KIF21A: variants seen among roughly 807,000 people sequenced by gnomAD.
KIF21A encodes kinesin family member 21A, also known as kinesin-like protein KIF21A.
KIF21A carries 114 observed loss-of-function variants against 202.9 expected under a neutral mutation model. That is an observed-to-expected ratio of 0.56 (90% CI 0.48 to 0.66). KIF21A has a LOEUF of 0.66. KIF21A is among the 30% of genes least tolerant of loss of function. The pLI is 0.00. For missense variants in KIF21A, 1,677 were observed against 1,994.9 expected (o/e 0.84, Z 3.04); for synonymous variants, 667 against 670.8 (o/e 0.99, Z 0.09).
Position 39,332,359 on chromosome 12 carries a change from T to G in KIF21A, c.2906A>C (p.Glu969Ala), listed in dbSNP as rs1397034944. Residue 969 changes from glutamate (E) to alanine (A), a missense_variant, in exon 21 of 38, where the codon GAG becomes GCG. Around this residue, in one of 3 missense-constraint regions of KIF21A, gnomAD observed 966 missense variants for 1,180.9 expected, o/e 0.82. Transcript: ENST00000361418. The stretch of plus-strand genomic sequence containing the variant: ...CTCTCCATTCTCCTTGACTATCTTC[T>G]CCCTTCTTTTTGAAAGTTTCTCTCG... ...KRREKLSKRR[E>A]KIVKENGEGD... The G allele has an allele frequency of 6.2e-7, 1 of 1,613,934 alleles. No homozygotes were observed. Among genetic ancestry groups the G allele is most frequent in the East Asian group, 2.2e-5 (1 of 44,864 alleles).
chr12:39,305,045 T>A, intron 34 of KIF21A, 107 bp from the exon 35 acceptor site: 1 of 607,248 alleles, frequency 1.6e-6, no homozygotes, highest in Non-Finnish European at 3.0e-6. Flanking sequence ...ATTCACTAAC[T>A]TTTTTTTTTC....
Position 39,370,032 on chromosome 12 carries a change from C to T in KIF21A, c.267+7G>A, listed in dbSNP as rs759729515. ...TTCAACTCCTATGAAAATAATATGG[C>T]ACTTACTTGTCCATAAGCAAAAACT... On this transcript the variant is annotated splice_region_variant and intron_variant, in intron 2 of 37. Coordinates refer to ENST00000361418, the MANE Select transcript of KIF21A (RefSeq NM_001173464.2). 1.9e-6 allele frequency: 3 copies of T among 1,607,178 alleles called. No individual in the cohort carries two copies. Among genetic ancestry groups the T allele is most frequent in the South Asian group, 1.1e-5 (1 of 90,972 alleles).
chr12:39,403,411 A>G (rs1464185846), intron 1 of KIF21A, among the ~76,000 whole-genome samples: 1 of 152,244 alleles, frequency 6.6e-6, no homozygotes. Flanking sequence ...TGTGAGTGTG[A>G]TACATATACA....
At chr12:39,426,570 C>T (rs1954767171) in intron 1 of KIF21A, among the ~76,000 whole-genome samples, 1 of 152,028 alleles carries the variant, frequency 6.6e-6, no homozygotes, top group South Asian at 2.1e-4. Flanking sequence ...GAAGCATTTA[C>T]ATTACTATTT....
intron 1 of KIF21A, among the ~76,000 whole-genome samples, chr12:39,414,210 AATGGTC>A (rs1206090015): frequency 6.6e-6 from 1 of 152,196 alleles, no homozygotes; most frequent in Non-Finnish European, 1.5e-5. Context: ...TGTTATCAGG[AATGGTC>A]ATATAAAGAT....
chr12:39,383,071 AG>A (rs1210016377), intron 1 of KIF21A, among the ~76,000 whole-genome samples: 10 of 152,238 alleles, frequency 6.6e-5, no homozygotes, highest in Non-Finnish European at 1.3e-4. Context: ...GGGCAAGAGC[AG>A]GCATCTAGGA....
intron 1 of KIF21A, among the ~76,000 whole-genome samples, chr12:39,421,487 G>A (rs2140226952): frequency 6.6e-6 from 1 of 152,172 alleles, no homozygotes; most frequent in South Asian, 2.1e-4. Context: ...GAGGGCAGGA[G>A]TTCAAGACCA....
intron 16 of KIF21A, chr12:39,337,670 C>T (rs1415365446): frequency 5.8e-6 from 1 of 171,280 alleles, no homozygotes; most frequent in Admixed American, 5.7e-5. Context: ...ATTTTAGCTA[C>T]TGTTGTTATC....
intron 1 of KIF21A, among the ~76,000 whole-genome samples, chr12:39,402,469 G>A (rs1592566705): frequency 6.6e-6 from 1 of 152,276 alleles, no homozygotes. Context: ...AGGCCGAGGA[G>A]GGAGGATTGC....
chr12:39,327,104 T>C (rs115779685), intron 24 of KIF21A, among the ~76,000 whole-genome samples: 2,090 of 152,228 alleles, frequency 0.014, 64 homozygotes, highest in African/African-American at 0.047. Context: ...TTAATGTATA[T>C]TTTATTATAA....
At chr12:39,403,983 G>A (rs1952380566) in intron 1 of KIF21A, among the ~76,000 whole-genome samples, 1 of 152,156 alleles carries the variant, frequency 6.6e-6, no homozygotes, top group Admixed American at 6.6e-5. Flanking sequence ...TAATCACCTG[G>A]GAGCTTGTTA....
chr12:39,337,404 T>C (rs1947073748), intron 16 of KIF21A: 2 of 555,164 alleles, frequency 3.6e-6, no homozygotes, highest in Non-Finnish European at 6.4e-6. Context: ...ATTAAATTGC[T>C]TAGTATTCTA....
chr12:39,301,710 A>T (rs771667945), intron 36 of KIF21A, 31 bp from the exon 37 acceptor site: 2 of 1,565,004 alleles, frequency 1.3e-6, no homozygotes, highest in Admixed American at 1.7e-5. Flanking sequence ...TCAGCAGCTT[A>T]AGGAGAGCTT....
At chr12:39,389,879 A>T (rs1396057988) in intron 1 of KIF21A, among the ~76,000 whole-genome samples, 2 of 152,268 alleles carry the variant, frequency 1.3e-5, no homozygotes, top group East Asian at 3.9e-4. Flanking sequence ...TATAGTGTCA[A>T]CCCAACAGCC....
At chr12:39,326,452 A>G (rs558141347) in intron 24 of KIF21A, 128 bp from the exon 25 acceptor site, 28 of 710,354 alleles carry the variant, frequency 3.9e-5, no homozygotes, top group African/African-American at 3.8e-4. Context: ...TAGTAGCTGA[A>G]TCTAAATAGA....
At chr12:39,354,606 A>G (rs1948633755) in intron 10 of KIF21A, among the ~76,000 whole-genome samples, 1 of 152,218 alleles carries the variant, frequency 6.6e-6, no homozygotes, top group Non-Finnish European at 1.5e-5. Context: ...ATTTACAATA[A>G]AATGATAAGA....
chr12:39,369,872 C>A lies in KIF21A; in HGVS notation c.307G>T (p.Asp103Tyr). Residue 103 changes from aspartate to tyrosine, a missense_variant, in exon 3 of 38, where the codon GAT (aspartate) becomes TAT (tyrosine). Around this residue, in one of 3 missense-constraint regions of KIF21A, gnomAD observed 966 missense variants for 1,180.9 expected, o/e 0.82. Transcript: ENST00000361418. ...AGTTCTTCCTCAACAATGTTAACATCAAATCCTGTTCCCATTGTGTATGTT... is the reference window on the plus strand; with the variant it reads ...AGTTCTTCCTCAACAATGTTAACATAAAATCCTGTTCCCATTGTGTATGTT... ...GKTYTMGTGF[D>Y]VNIVEEELGI... 6.2e-7 allele frequency: 1 copy of A among 1,613,516 alleles called. No individual in the cohort carries two copies. Among genetic ancestry groups the A allele is most frequent in the Non-Finnish European group, 8.5e-7 (1 of 1,179,688 alleles).
At chr12:39,348,927 G>T (rs181552739) in intron 11 of KIF21A, among the ~76,000 whole-genome samples, 126 of 152,116 alleles carry the variant, frequency 8.3e-4, no homozygotes, top group African/African-American at 2.8e-3. Context: ...AAGCTTGTTG[G>T]TTATCAGACA....
chr12:39,410,390 AACTC>A (rs148699050), intron 1 of KIF21A, among the ~76,000 whole-genome samples: 9,718 of 152,200 alleles, frequency 0.064, 1,030 homozygotes, highest in African/African-American at 0.22. Flanking sequence ...GAAAATATGA[AACTC>A]AGTTTATCTC....
Sources: allele counts gnomAD v4.1 joint callset (sites outside exome capture counted in the v4.1 genomes callset), GRCh38; gene constraint gnomAD v4.1.1; regional missense constraint gnomAD v4.1.1; transcripts MANE v1.5; gene names NCBI Gene and HGNC (gene_info 2026-07-23, HGNC 2026-07-21).